The following ONECUT1 variants were observed in gnomAD, a reference collection of about 807,000 sequenced individuals.
The protein encoded by ONECUT1 is hepatocyte nuclear factor 6.
ONECUT1 carries 12 observed loss-of-function variants against 25.6 expected under a neutral mutation model. The ratio of observed to expected loss-of-function variants is 0.47; its 90% CI spans 0.30 to 0.76. The LOEUF (loss-of-function observed/expected upper bound fraction) is 0.76, where lower values mean the gene tolerates loss of function less well. Among genes scored for constraint, ONECUT1 ranks in the 30% least tolerant of loss-of-function variants. The pLI is 0.07. For synonymous variants in ONECUT1, 285 were observed against 270.2 expected, an observed-to-expected ratio of 1.05 and a Z score of -0.54; for missense variants, 620 against 651.2, an observed-to-expected ratio of 0.95 and a Z score of 0.52.
intron 1 of ONECUT1, among the ~76,000 whole-genome samples, chr15:52,762,598 T>C (rs1181552802): frequency 1.3e-5 from 2 of 152,160 alleles, no homozygotes; most frequent in African/African-American, 4.8e-5. Flanking sequence ...GCTCTGTATC[T>C]CCAGGACGCC....
intron 1 of ONECUT1, among the ~76,000 whole-genome samples, chr15:52,785,445 C>T (rs1407609359): frequency 6.6e-6 from 1 of 152,184 alleles, no homozygotes; most frequent in Non-Finnish European, 1.5e-5. Flanking sequence ...TTGGAGGTTT[C>T]CTCGCCTCCA....
At position 52,788,713 on chromosome 15, in the gene ONECUT1, C is replaced by A; in HGVS notation, c.1105+67G>T. 6.6e-7 allele frequency: 1 copy of A among 1,519,920 alleles called. No homozygotes were observed. The highest frequency in any genetic ancestry group is 8.9e-7 in the Non-Finnish European group (1 of 1,125,946). 94.2% of individuals were successfully genotyped at this position (1,519,920 alleles called of 1,614,324 possible). On this transcript the variant is annotated intron_variant, in intron 1 of 1. Transcript: ENST00000305901. This position sits in a 1 kb window ranked among gnomAD's most constrained non-coding sequence, Gnocchi z 4.3. ...GCACCCAGCCCTCTCTCCTACCCTTCCTCCTTTGGTCCCTTCGGCTTTCGT... is the reference window on the plus strand; with the variant it reads ...GCACCCAGCCCTCTCTCCTACCCTTACTCCTTTGGTCCCTTCGGCTTTCGT...
chr15:52,755,605 C>A lies in ONECUT1; in HGVS notation c.*1950G>T, dbSNP rs1047481950. ...GTTGCCTGCCTGTTACAGACCTAGA[C>A]AAGGTGCTGAGATTTGATGCTAAGG... On this transcript the variant is annotated 3_prime_UTR_variant, in exon 2 of 2. Coordinates refer to ENST00000305901, the MANE Select transcript of ONECUT1 (RefSeq NM_004498.4). Among the ~76,000 whole-genome samples the A allele has an allele frequency of 2.6e-5, 4 of 152,200 alleles. No individual in the cohort carries two copies. Among genetic ancestry groups the A allele is most frequent in the Non-Finnish European group, 5.9e-5 (4 of 68,034 alleles).
At position 52,789,667 on chromosome 15, in the gene ONECUT1, C is replaced by G. The variant is rs148242647; in HGVS notation, c.218G>C (p.Arg73Pro). 3.3e-6 allele frequency: 5 copies of G among 1,518,686 alleles called. No homozygotes were observed. Among genetic ancestry groups the G allele is most frequent in the East Asian group, 2.4e-5 (1 of 40,938 alleles). 94.1% of individuals were successfully genotyped at this position (1,518,686 alleles called of 1,614,324 possible). ...SGGGDYHHHH[R>P]APEHSLAGPL... The stretch of plus-strand genomic sequence containing the variant: ...GCCGGCCAGGCTGTGCTCAGGGGCC[C>G]GGTGGTGGTGGTGGTAATCTCCGCC... Residue 73 changes from arginine to proline, a missense_variant, in exon 1 of 2, where the codon CGG (arginine) becomes CCG (proline). Arg to Pro is a moderately radical substitution (Grantham distance 103). Coordinates refer to ENST00000305901, the MANE Select transcript of ONECUT1 (RefSeq NM_004498.4). This position sits in a 1 kb window ranked among gnomAD's most constrained non-coding sequence, Gnocchi z 4.1.
At chr15:52,774,381 A>G (rs1459077102) in intron 1 of ONECUT1, among the ~76,000 whole-genome samples, 6 of 151,952 alleles carry the variant, frequency 3.9e-5, no homozygotes, top group Non-Finnish European at 8.8e-5. Context: ...GCTCATTGCA[A>G]CCTCCGCCTC....
chr15:52,764,109 T>G (rs2083720973), intron 1 of ONECUT1, among the ~76,000 whole-genome samples: 1 of 152,170 alleles, frequency 6.6e-6, no homozygotes, highest in African/African-American at 2.4e-5. Context: ...ACAAAGGACT[T>G]TAGAACATAT....
chr15:52,775,227 G>A (rs903454488), intron 1 of ONECUT1, among the ~76,000 whole-genome samples: 38 of 151,754 alleles, frequency 2.5e-4, no homozygotes, highest in Admixed American at 3.9e-4. Flanking sequence ...AGAATAAGGG[G>A]ACCACCACTG....
intron 1 of ONECUT1, among the ~76,000 whole-genome samples, chr15:52,761,656 G>A (rs2083706700): frequency 6.6e-6 from 1 of 152,290 alleles, no homozygotes; most frequent in Non-Finnish European, 1.5e-5. Context: ...GGGCAAGAGA[G>A]CAAGATTCCA....
intron 1 of ONECUT1, among the ~76,000 whole-genome samples, chr15:52,766,415 C>T (rs2440329): frequency 0.17 from 25,759 of 152,004 alleles, 2,490 homozygotes; most frequent in Non-Finnish European, 0.22. Context: ...GCTGAGGGAA[C>T]GGGTGAAGTG....
intron 1 of ONECUT1, among the ~76,000 whole-genome samples, chr15:52,769,940 T>C (rs1033483239): frequency 5.9e-5 from 9 of 152,154 alleles, no homozygotes; most frequent in Non-Finnish European, 1.3e-4. Flanking sequence ...ATTAATGAGA[T>C]GACTCCAGCA....
intron 1 of ONECUT1, among the ~76,000 whole-genome samples, chr15:52,775,813 G>A (rs756906771): frequency 7.2e-5 from 11 of 152,194 alleles, no homozygotes; most frequent in Non-Finnish European, 1.6e-4. Flanking sequence ...TTCCATCACA[G>A]ATAGATTTGT....
chr15:52,770,021 G>T (rs2083756860), intron 1 of ONECUT1, among the ~76,000 whole-genome samples: 1 of 152,184 alleles, frequency 6.6e-6, no homozygotes, highest in Non-Finnish European at 1.5e-5. Flanking sequence ...AAGGTGAAAT[G>T]ATATCCCATT....
At chr15:52,786,103 G>A (rs2083873358) in intron 1 of ONECUT1, 2 of 152,284 alleles carry the variant, frequency 1.3e-5, no homozygotes, top group Non-Finnish European at 2.9e-5. Context: ...CTGGTAGTGG[G>A]GGGCAGGCAC....
Position 52,757,371 on chromosome 15 carries a change from G to C in ONECUT1, c.*184C>G, listed in dbSNP as rs1202414112. 1.6e-6 allele frequency: 1 copy of C among 642,582 alleles called. No homozygotes were observed. Among genetic ancestry groups the C allele is most frequent in the African/African-American group, 1.8e-5 (1 of 54,286 alleles). 39.8% of individuals were successfully genotyped at this position (642,582 alleles called of 1,614,324 possible). A position where few individuals can be genotyped will look rare whatever the true frequency, so the allele number is the denominator to read the frequency against. On this transcript the variant is annotated 3_prime_UTR_variant, in exon 2 of 2. Transcript: ENST00000305901. ...TGCCAAGTCGCCGCCCTGCTGAAGT[G>C]TGTGTCTCCAAACAAAGTCAGAATG... is the stretch of plus-strand genomic sequence containing the variant.
chr15:52,790,136 T>A lies in ONECUT1; in HGVS notation c.-252A>T. 2.2e-6 allele frequency: 1 copy of A among 458,320 alleles called. No individual in the cohort carries two copies. 28.4% of individuals were successfully genotyped at this position (458,320 alleles called of 1,614,324 possible). A position where few individuals can be genotyped will look rare whatever the true frequency, so the allele number is the denominator to read the frequency against. ...CTTCCCCTCTGCGTCCTCGGCTTTT[T>A]TTTTTTTAATATTAATTTCCAAAGA... On this transcript the variant is annotated 5_prime_UTR_variant, in exon 1 of 2. Coordinates refer to ENST00000305901, the MANE Select transcript of ONECUT1 (RefSeq NM_004498.4).
chr15:52,787,153 G>A (rs2083881294), intron 1 of ONECUT1: 1 of 152,276 alleles, frequency 6.6e-6, no homozygotes, highest in Admixed American at 6.5e-5. Flanking sequence ...CCGGGGGCCA[G>A]CGATTCGCTG....
At chr15:52,778,167 T>C (rs1396314835) in intron 1 of ONECUT1, among the ~76,000 whole-genome samples, 1 of 152,232 alleles carries the variant, frequency 6.6e-6, no homozygotes, top group Non-Finnish European at 1.5e-5. Context: ...TGAACATCTA[T>C]GAGTCCACCA....
Position 52,790,122 on chromosome 15 carries a change from C to A in ONECUT1, c.-238G>T. On this transcript the variant is annotated 5_prime_UTR_variant, in exon 1 of 2. Coordinates refer to ENST00000305901, the MANE Select transcript of ONECUT1 (RefSeq NM_004498.4). Reference sequence around the variant, plus strand: ...CTCTTACCCCCCACCTTCCCCTCTGCGTCCTCGGCTTTTTTTTTTTTAATA... The same window carrying A: ...CTCTTACCCCCCACCTTCCCCTCTGAGTCCTCGGCTTTTTTTTTTTTAATA... 2.0e-6 allele frequency: 1 copy of A among 492,562 alleles called. No individual in the cohort carries two copies. The highest frequency in any genetic ancestry group is 3.2e-6 in the Non-Finnish European group (1 of 315,124). The allele number at this position is 492,562 out of a possible 1,614,324, so 30.5% of individuals were successfully genotyped here.
At position 52,756,976 on chromosome 15, in the gene ONECUT1, T is replaced by C. The variant is rs1392072283; in HGVS notation, c.*579A>G. The C allele has an allele frequency of 6.6e-6, 1 of 152,356 alleles. No individual in the cohort carries two copies. The highest frequency in any genetic ancestry group is 1.5e-5 in the Non-Finnish European group (1 of 68,172). The allele number at this position is 152,356 out of a possible 1,614,324, so 9.4% of individuals were successfully genotyped here. A position where few individuals can be genotyped will look rare whatever the true frequency, so the allele number is the denominator to read the frequency against. On this transcript the variant is annotated 3_prime_UTR_variant, in exon 2 of 2. Coordinates refer to ENST00000305901, the MANE Select transcript of ONECUT1 (RefSeq NM_004498.4). ...ACTGGTTTAGGTGTCATTCAAATTT[T>C]CTTTGCTGGGTTTGAATCTGCATTT...
Sources: allele counts gnomAD v4.1 joint callset (sites outside exome capture counted in the v4.1 genomes callset), GRCh38; gene constraint gnomAD v4.1.1; non-coding constraint Gnocchi (gnomAD v3.1); transcripts MANE v1.5; gene names NCBI Gene and HGNC (gene_info 2026-07-23, HGNC 2026-07-21).